The following SNX13 variants were observed in gnomAD, a reference collection of about 807,000 sequenced individuals.
SNX13 encodes the protein sorting nexin 13.
Under a neutral mutation model 133.6 loss-of-function variants are expected in SNX13, and 45 were observed. The ratio of observed to expected loss-of-function variants is 0.34; its 90% CI spans 0.27 to 0.43. The LOEUF is 0.43. Among genes scored for constraint, SNX13 ranks in the 20% least tolerant of loss-of-function variants. SNX13 has a pLI of 1.00. For synonymous variants in SNX13, 414 were observed against 373.9 expected, an observed-to-expected ratio of 1.11 and a Z score of -1.24; for missense variants, 1,032 against 1,145.1, an observed-to-expected ratio of 0.90 and a Z score of 1.43.
intron 1 of SNX13, among the ~76,000 whole-genome samples, chr7:17,935,036 C>A (rs531026026): frequency 6.6e-6 from 1 of 152,040 alleles, no homozygotes; most frequent in African/African-American, 2.4e-5. Flanking sequence ...TTCCAAAAAA[C>A]GGAACTCAAT....
At chr7:17,841,216 C>A (rs1177335094) in intron 12 of SNX13, among the ~76,000 whole-genome samples, 1 of 152,020 alleles carries the variant, frequency 6.6e-6, no homozygotes, top group Non-Finnish European at 1.5e-5. Flanking sequence ...GCTGAAGTAA[C>A]AAGCAAGAGA....
chr7:17,905,639 C>T (rs1798312408), intron 1 of SNX13, among the ~76,000 whole-genome samples: 1 of 152,088 alleles, frequency 6.6e-6, no homozygotes, highest in Non-Finnish European at 1.5e-5. Flanking sequence ...TTGGTAAATT[C>T]CAAAAACAAA....
chr7:17,841,764 A>T (rs936326579), intron 12 of SNX13, among the ~76,000 whole-genome samples: 10 of 152,074 alleles, frequency 6.6e-5, no homozygotes, highest in Non-Finnish European at 1.5e-5. Context: ...GATGTAAAAA[A>T]GTCAATAAAA....
chr7:17,904,236 G>A (rs2714859), intron 1 of SNX13, among the ~76,000 whole-genome samples: 67,813 of 151,978 alleles, frequency 0.45, 15,571 homozygotes, highest in South Asian at 0.67. Context: ...CCAGATTGCC[G>A]CTAACTTTCT....
intron 1 of SNX13, among the ~76,000 whole-genome samples, chr7:17,928,117 A>C (rs1800971227): frequency 6.6e-6 from 1 of 152,232 alleles, no homozygotes. Context: ...AGAGAAAGCT[A>C]GATCCTCAAT....
At chr7:17,858,901 ATGTC>A (rs897820856) in intron 9 of SNX13, among the ~76,000 whole-genome samples, 3 of 152,130 alleles carry the variant, frequency 2.0e-5, no homozygotes, top group Non-Finnish European at 2.9e-5. Context: ...GAATATCTAG[ATGTC>A]TGTATTTTAA....
At chr7:17,891,372 C>G (rs1460060088) in intron 4 of SNX13, among the ~76,000 whole-genome samples, 174 bp downstream of exon 4, 1 of 151,924 alleles carries the variant, frequency 6.6e-6, no homozygotes, top group African/African-American at 2.4e-5. Context: ...AGTAAACCAC[C>G]TCATTAGAAG....
intron 1 of SNX13, among the ~76,000 whole-genome samples, chr7:17,904,256 T>G (rs1480421624): frequency 2.0e-5 from 3 of 152,186 alleles, no homozygotes; most frequent in African/African-American, 7.2e-5. Flanking sequence ...TGCATAACCT[T>G]TGCAAAATCA....
intron 11 of SNX13, among the ~76,000 whole-genome samples, chr7:17,848,389 C>T (rs759519781): frequency 9.9e-5 from 15 of 152,284 alleles, no homozygotes; most frequent in Non-Finnish European, 1.5e-4. Context: ...TCAGAAGCCA[C>T]GAGTGTGCAC....
chr7:17,935,175 C>G (rs1801879397), intron 1 of SNX13, among the ~76,000 whole-genome samples: 1 of 152,164 alleles, frequency 6.6e-6, no homozygotes, highest in South Asian at 2.1e-4. Context: ...CAATGGAATA[C>G]TAATTGGGCT....
At chr7:17,918,750 G>C (rs1485632441) in intron 1 of SNX13, among the ~76,000 whole-genome samples, 1 of 152,108 alleles carries the variant, frequency 6.6e-6, no homozygotes, top group Admixed American at 6.5e-5. Context: ...TCCCATTACT[G>C]GGTATTTACC....
intron 5 of SNX13, chr7:17,880,205 T>C (rs1303184168): frequency 6.6e-6 from 1 of 152,222 alleles, no homozygotes; most frequent in Non-Finnish European, 1.5e-5. Flanking sequence ...TAAAATGGCA[T>C]GGCAATAAAG....
chr7:17,918,009 A>C (rs534528676), intron 1 of SNX13, among the ~76,000 whole-genome samples: 1 of 152,286 alleles, frequency 6.6e-6, no homozygotes, highest in East Asian at 1.9e-4. Flanking sequence ...ACACACCTAC[A>C]ACCAACTGAC....
intron 15 of SNX13, chr7:17,832,574 G>T (rs1022303227): frequency 9.4e-6 from 7 of 742,850 alleles, no homozygotes; most frequent in Non-Finnish European, 1.1e-5. Flanking sequence ...TTAGTTGACA[G>T]AGCTGCTATT....
At chr7:17,857,888 A>G (rs539550438) in intron 9 of SNX13, among the ~76,000 whole-genome samples, 4 of 152,256 alleles carry the variant, frequency 2.6e-5, no homozygotes, top group Non-Finnish European at 5.9e-5. Context: ...ATGAAAATCG[A>G]TAAGCATAAT....
At chr7:17,794,951 G>T (rs1783890461) in intron 25 of SNX13, 1 of 151,684 alleles carries the variant, frequency 6.6e-6, no homozygotes, top group South Asian at 2.1e-4. Flanking sequence ...TCCCTTTAAG[G>T]AAGTGGCAGG....
At chr7:17,874,591 GAAAT>G (rs1364008221) in intron 7 of SNX13, among the ~76,000 whole-genome samples, 1 of 152,004 alleles carries the variant, frequency 6.6e-6, no homozygotes, top group Non-Finnish European at 1.5e-5. Context: ...GAAGAACAAA[GAAAT>G]AAATAAAAAT....
chr7:17,850,323 T>A (rs758577367), intron 11 of SNX13, 24 bp downstream of exon 11: 1 of 1,508,974 alleles, frequency 6.6e-7, no homozygotes, highest in Non-Finnish European at 9.0e-7. Flanking sequence ...TAACTAAACG[T>A]TAATTCAAAA....
In SNX13 at chr7:17,791,463, ATATCCTAAT is replaced by A. The variant is rs1386814173; in HGVS notation, c.*2573_*2581del. The A allele has an allele frequency of 1.3e-5, 2 of 151,904 alleles. No individual in the cohort carries two copies. Among genetic ancestry groups the A allele is most frequent in the African/African-American group, 4.8e-5 (2 of 41,404 alleles). 9.4% of individuals were successfully genotyped at this position (151,904 alleles called of 1,614,324 possible). A position where few individuals can be genotyped will look rare whatever the true frequency, so the allele number is the denominator to read the frequency against. ...CAATTGATTTCAGCAACTATTTGGA[ATATCCTAAT>A]TATAGGAAATGCCCATCTAAGTGAT... On this transcript the variant is annotated 3_prime_UTR_variant, in exon 26 of 26. Coordinates refer to ENST00000428135, the MANE Select transcript of SNX13 (RefSeq NM_015132.5).
Sources: gnomAD v4.1 joint callset for allele counts (sites outside exome capture counted in the v4.1 genomes callset) on GRCh38, gnomAD v4.1.1 for gene constraint, MANE v1.5 for transcripts, NCBI Gene and HGNC (gene_info 2026-07-23, HGNC 2026-07-21) for gene names.